SLC35D2: variants seen among roughly 807,000 people sequenced by gnomAD.
SLC35D2 encodes nucleotide sugar transporter SLC35D2.
In SLC35D2, 43 loss-of-function variants were observed where a neutral mutation model predicts 41.8. The ratio of observed to expected loss-of-function variants is 1.03; its 90% CI spans 0.81 to 1.33. The LOEUF (loss-of-function observed/expected upper bound fraction) is 1.33, where lower values mean the gene tolerates loss of function less well. SLC35D2 is among the 40% of genes most tolerant of loss of function. The probability of loss-of-function intolerance (pLI) is 0.00; values close to 1 mark genes in which losing one functional copy is unlikely to be tolerated. For missense variants in SLC35D2, 380 were observed against 408.4 expected, an observed-to-expected ratio of 0.93 and a Z score of 0.60; for synonymous variants, 150 against 163.9, an observed-to-expected ratio of 0.92 and a Z score of 0.65.
intron 4 of SLC35D2, among the ~76,000 whole-genome samples, chr9:96,354,766 CA>C (rs59013884): frequency 2.8e-3 from 129 of 46,730 alleles, no homozygotes; most frequent in Middle Eastern, 0.056. Context: ...GACTCCATCT[CA>C]AAAAAAAAAA....
chr9:96,346,438 T>C (rs978513409), intron 6 of SLC35D2, among the ~76,000 whole-genome samples: 1 of 152,180 alleles, frequency 6.6e-6, no homozygotes, highest in Non-Finnish European at 1.5e-5. Flanking sequence ...GGGCCGACCC[T>C]CCGTCCAGTG....
chr9:96,338,677 C>A (rs921369970), intron 8 of SLC35D2, among the ~76,000 whole-genome samples: 1 of 151,952 alleles, frequency 6.6e-6, no homozygotes, highest in Non-Finnish European at 1.5e-5. Flanking sequence ...AGTTTCCTTG[C>A]GTCATAACAC....
At chr9:96,313,607 T>C (rs1202642393) in exon 12 of SLC35D2, among the ~76,000 whole-genome samples, 1 of 152,224 alleles carries the variant, frequency 6.6e-6, no homozygotes, top group Admixed American at 6.5e-5. Flanking sequence ...AATCACATTG[T>C]TAGACTATCT....
At chr9:96,347,965 C>T (rs1829651257) in intron 6 of SLC35D2, among the ~76,000 whole-genome samples, 1 of 152,170 alleles carries the variant, frequency 6.6e-6, no homozygotes, top group Admixed American at 6.5e-5. Context: ...ATGAATAATC[C>T]ACCCCTTGTT....
Position 96,371,060 on chromosome 9 carries a change from A to G in SLC35D2, c.159-2755T>C, listed in dbSNP as rs531966884. ...AAGATAAATTGATCTGGAAGACAGA[A>G]AACCACCACTATACAGGGCTAGTTA... is the stretch of plus-strand genomic sequence containing the variant. On this transcript the variant is annotated intron_variant, in intron 1 of 11. Transcript: ENST00000253270. Among the ~76,000 whole-genome samples, 9 of 152,338 alleles carry G rather than the reference A, an allele frequency of 5.9e-5. No individual in the cohort carries two copies. In the East Asian group the frequency reaches 1.3e-3, roughly 23 times the overall value.
At chr9:96,353,344 A>ATTATTTAT (rs71308273) in intron 4 of SLC35D2, among the ~76,000 whole-genome samples, 79,952 of 149,422 alleles carry the variant, frequency 0.54, 22,168 homozygotes, top group East Asian at 0.89. Context: ...GCTGCAAAGG[A>ATTATTTAT]TTATTTATTT....
At chr9:96,356,677 T>C (rs923797552) in intron 4 of SLC35D2, among the ~76,000 whole-genome samples, 8 of 151,926 alleles carry the variant, frequency 5.3e-5, no homozygotes, top group Non-Finnish European at 8.8e-5. Flanking sequence ...GAGACCAGCC[T>C]GGGCAACATG....
exon 12 of SLC35D2, chr9:96,314,448 A>T (rs1009761453): frequency 6.6e-6 from 1 of 152,178 alleles, no homozygotes; most frequent in Admixed American, 6.5e-5. Context: ...AGGGACATGG[A>T]TGGAGCTAGA....
intron 5 of SLC35D2, 92 bp downstream of exon 5, chr9:96,351,946 T>C (rs1240254024): frequency 1.4e-6 from 1 of 723,046 alleles, no homozygotes; most frequent in East Asian, 2.8e-5. Flanking sequence ...CCTTAAATTA[T>C]TGCAACTAGC....
intron 2 of SLC35D2, among the ~76,000 whole-genome samples, chr9:96,367,054 A>G (rs1294725840): frequency 6.6e-6 from 1 of 150,962 alleles, no homozygotes; most frequent in Non-Finnish European, 1.5e-5. Flanking sequence ...CCCTGTCTCT[A>G]TTAAAGATAC....
At chr9:96,368,203 A>G in intron 2 of SLC35D2, 69 bp downstream of exon 2, 1 of 1,297,062 alleles carries the variant, frequency 7.7e-7, no homozygotes, top group South Asian at 1.3e-5. Flanking sequence ...CTTTAAACAA[A>G]AGGACTTAAA....
chr9:96,321,924 G>C, intron 11 of SLC35D2, 74 bp downstream of exon 11: 3 of 851,512 alleles, frequency 3.5e-6, no homozygotes, highest in Non-Finnish European at 5.8e-6. Flanking sequence ...AGGCTCTTTT[G>C]CTTATTACAT....
chr9:96,375,319 T>G (rs1040989086), intron 1 of SLC35D2, among the ~76,000 whole-genome samples: 2 of 152,046 alleles, frequency 1.3e-5, no homozygotes, highest in Admixed American at 1.3e-4. Flanking sequence ...GGGTCACGCC[T>G]GTAATCCTAG....
intron 3 of SLC35D2, among the ~76,000 whole-genome samples, chr9:96,361,741 G>C (rs1376284304): frequency 6.6e-6 from 1 of 151,540 alleles, no homozygotes; most frequent in Non-Finnish European, 1.5e-5. Context: ...AAGTGGAAGA[G>C]ATACGAGGAG....
intron 5 of SLC35D2, among the ~76,000 whole-genome samples, chr9:96,351,741 T>G (rs919127882): frequency 2.6e-5 from 4 of 152,180 alleles, no homozygotes; most frequent in African/African-American, 9.7e-5. Context: ...TATTCCAAAA[T>G]TGGTTTATAT....
Position 96,341,526 on chromosome 9 carries a change from A to G in SLC35D2, c.684+2378T>C, listed in dbSNP as rs57988595. Among the ~76,000 whole-genome samples, 379 of 152,344 alleles carry G rather than the reference A, an allele frequency of 2.5e-3. 1 individual carries two copies. Among genetic ancestry groups the G allele is most frequent in the African/African-American group, 8.5e-3 (354 of 41,586 alleles). On this transcript the variant is annotated intron_variant, in intron 8 of 11. Coordinates refer to ENST00000253270, the MANE Select transcript of SLC35D2 (RefSeq NM_007001.3). ...CCTAGATGCTTTGCCTATACGATAG[A>G]AATAGTAACAGGACCTTCTCTTCTG...
intron 6 of SLC35D2, among the ~76,000 whole-genome samples, chr9:96,349,249 G>A (rs1829710301): frequency 6.6e-6 from 1 of 152,082 alleles, no homozygotes; most frequent in Non-Finnish European, 1.5e-5. Flanking sequence ...AGCCACATCT[G>A]GGCAGACTTT....
Position 96,321,356 on chromosome 9 carries a change from A to C in SLC35D2, c.915-15T>G, listed in dbSNP as rs760783670. 4 of 1,594,750 alleles carry C rather than the reference A, an allele frequency of 2.5e-6. No homozygotes were observed. Among genetic ancestry groups the C allele is most frequent in the Non-Finnish European group, 3.4e-6 (4 of 1,164,348 alleles). ...CCCCTGCCATGCTGAAAGGAGAAAAAAAAGTGAAAATAAATGACTGGGAAT... is the reference window on the plus strand; with the variant it reads ...CCCCTGCCATGCTGAAAGGAGAAAACAAAGTGAAAATAAATGACTGGGAAT... On this transcript the variant is annotated splice_polypyrimidine_tract_variant and intron_variant, in intron 11 of 11. Coordinates refer to ENST00000253270, the MANE Select transcript of SLC35D2 (RefSeq NM_007001.3).
chr9:96,383,399 C>A, intron 1 of SLC35D2, 78 bp downstream of exon 1: 1 of 1,239,372 alleles, frequency 8.1e-7, no homozygotes, highest in African/African-American at 1.6e-5. Context: ...CGCCCTGTCC[C>A]GGGCGCCGCT....
Sources: gnomAD v4.1 joint callset for allele counts (sites outside exome capture counted in the v4.1 genomes callset) on GRCh38, gnomAD v4.1.1 for gene constraint, MANE v1.5 for transcripts, NCBI Gene and HGNC (gene_info 2026-07-23, HGNC 2026-07-21) for gene names.